Variants in PALLD observed in about 807,000 individuals in gnomAD.
PALLD encodes the protein palladin, cytoskeletal associated protein.
Under a neutral mutation model 123.5 loss-of-function variants are expected in PALLD, and 61 were observed. The ratio of observed to expected loss-of-function variants is 0.49; its 90% CI spans 0.40 to 0.61. The LOEUF (loss-of-function observed/expected upper bound fraction) is 0.61, where lower values mean the gene tolerates loss of function less well. Among genes scored for constraint, PALLD ranks in the 20% least tolerant of loss-of-function variants. The pLI, the probability that PALLD is intolerant of heterozygous loss-of-function variation, is 0.00. For missense variants in PALLD, 1,273 were observed against 1,377.0 expected, an observed-to-expected ratio of 0.92 and a Z score of 1.20; for synonymous variants, 465 against 496.4, an observed-to-expected ratio of 0.94 and a Z score of 0.84.
At chr4:168,547,688 G>A (rs1445376152) in intron 2 of PALLD, among the ~76,000 whole-genome samples, 1 of 151,684 alleles carries the variant, frequency 6.6e-6, no homozygotes, top group Non-Finnish European at 1.5e-5. Context: ...AGTGGCTCAT[G>A]CCTGCAATCC....
chr4:168,882,945 C>G (rs890290908), intron 10 of PALLD, among the ~76,000 whole-genome samples: 1 of 151,998 alleles, frequency 6.6e-6, no homozygotes, highest in Non-Finnish European at 1.5e-5. Flanking sequence ...AAAAAATTAG[C>G]CGGGCATGGT....
intron 15 of PALLD, among the ~76,000 whole-genome samples, chr4:168,906,676 G>A (rs1757869576): frequency 6.6e-6 from 1 of 152,180 alleles, no homozygotes; most frequent in South Asian, 2.1e-4. Flanking sequence ...CCAGGCTGGA[G>A]TACAGTGGCA....
At chr4:168,787,755 TA>T (rs1399491545) in intron 10 of PALLD, among the ~76,000 whole-genome samples, 2 of 152,372 alleles carry the variant, frequency 1.3e-5, no homozygotes, top group East Asian at 3.9e-4. Context: ...GATAGTCAAC[TA>T]CTTTCTTTTA....
intron 10 of PALLD, among the ~76,000 whole-genome samples, chr4:168,890,703 T>G (rs1187939886): frequency 6.6e-6 from 1 of 152,162 alleles, no homozygotes; most frequent in African/African-American, 2.4e-5. Context: ...TAAGGCATAC[T>G]CCCCTAATGT....
At chr4:168,707,771 T>TA (rs1431078655) in intron 8 of PALLD, among the ~76,000 whole-genome samples, 1 of 152,218 alleles carries the variant, frequency 6.6e-6, no homozygotes, top group Non-Finnish European at 1.5e-5. Flanking sequence ...TACACGGTCT[T>TA]ATGCTACCCC....
At position 168,681,540 on chromosome 4, in the gene PALLD, A is replaced by ATTTTTTTTTTTTTTTT. The variant is rs34328020; in HGVS notation, c.1154+150_1154+165dup. ...GATCAAATACTGAGGTTGGAACACA[A>ATTTTTTTTTTTTTTTT]TTTTTTTTTTTTTTTTTTTTTTTGA... is the stretch of plus-strand genomic sequence containing the variant. On this transcript the variant is annotated intron_variant, in intron 4 of 21. Coordinates refer to ENST00000505667, the MANE Select transcript of PALLD (RefSeq NM_001166108.2). 5.7e-3 allele frequency: 1,938 copies of ATTTTTTTTTTTTTTTT among 339,994 alleles called. 64 individuals are homozygous for ATTTTTTTTTTTTTTTT. Among genetic ancestry groups the ATTTTTTTTTTTTTTTT allele is most frequent in the African/African-American group, 0.012 (376 of 31,650 alleles). 21.1% of individuals were successfully genotyped at this position (339,994 alleles called of 1,614,324 possible). A position where few individuals can be genotyped will look rare whatever the true frequency, so the allele number is the denominator to read the frequency against.
At chr4:168,791,491 G>A (rs1737515566) in intron 10 of PALLD, among the ~76,000 whole-genome samples, 1 of 152,158 alleles carries the variant, frequency 6.6e-6, no homozygotes, top group East Asian at 1.9e-4. Flanking sequence ...CAGCAGGAGG[G>A]AGAAAAAAGC....
intron 10 of PALLD, among the ~76,000 whole-genome samples, chr4:168,873,812 C>T (rs561161044): frequency 3.9e-5 from 6 of 152,280 alleles, no homozygotes; most frequent in African/African-American, 1.4e-4. Context: ...CCATCCCTGC[C>T]TCCTAGGGTT....
At chr4:168,921,068 AAAGCAAAAGTTTT>A (rs1379516816) in intron 17 of PALLD, among the ~76,000 whole-genome samples, 1 of 152,088 alleles carries the variant, frequency 6.6e-6, no homozygotes, top group Non-Finnish European at 1.5e-5. Flanking sequence ...GCCAAAGTTT[AAAGCAAAAGTTTT>A]AAGCAAAAGA....
At chr4:168,682,814 A>G (rs1781676399) in intron 4 of PALLD, among the ~76,000 whole-genome samples, 184 bp from the exon 5 acceptor site, 1 of 152,132 alleles carries the variant, frequency 6.6e-6, no homozygotes, top group Non-Finnish European at 1.5e-5. Context: ...GACCACAGCT[A>G]TTCTAGCTGT....
chr4:168,520,345 A>AGAGAGAG (rs1554034674), intron 2 of PALLD, among the ~76,000 whole-genome samples: 22 of 41,788 alleles, frequency 5.3e-4, no homozygotes, highest in African/African-American at 1.8e-3. Flanking sequence ...AAAAAAAAAA[A>AGAGAGAG]AAAGAGAGAG....
chr4:168,551,097 A>G (rs568300872), intron 2 of PALLD, among the ~76,000 whole-genome samples: 73 of 152,346 alleles, frequency 4.8e-4, no homozygotes, highest in African/African-American at 1.7e-3. Context: ...AAGACTTATT[A>G]CAAATCACAG....
At chr4:168,777,471 GA>G in intron 10 of PALLD, among the ~76,000 whole-genome samples, 1 of 152,028 alleles carries the variant, frequency 6.6e-6, no homozygotes, top group African/African-American at 2.4e-5. Context: ...TGCATGATAA[GA>G]GAAAATGGAA....
intron 1 of PALLD, chr4:168,507,562 G>A (rs1430912625): frequency 1.5e-5 from 3 of 200,216 alleles, no homozygotes; most frequent in Non-Finnish European, 3.1e-5. Context: ...AACACCAAAC[G>A]TGAAACCATG....
intron 1 of PALLD, among the ~76,000 whole-genome samples, chr4:168,498,159 T>C (rs1024089181): frequency 7.2e-5 from 11 of 152,202 alleles, no homozygotes; most frequent in African/African-American, 2.7e-4. Flanking sequence ...TCAAAGTCTC[T>C]TTGACAAGTT....
intron 8 of PALLD, among the ~76,000 whole-genome samples, chr4:168,701,621 A>G (rs906053825): frequency 6.6e-6 from 1 of 152,196 alleles, no homozygotes; most frequent in African/African-American, 2.4e-5. Context: ...CTGTTTTTAA[A>G]TGTAGGTTTC....
chr4:168,564,998 C>T (rs910766420), intron 2 of PALLD, among the ~76,000 whole-genome samples: 1 of 138,326 alleles, frequency 7.2e-6, no homozygotes, highest in Non-Finnish European at 1.5e-5. Context: ...CCAGCCTGAG[C>T]AACATGGTGA....
intron 2 of PALLD, among the ~76,000 whole-genome samples, chr4:168,583,081 T>C (rs1408746992): frequency 6.6e-6 from 1 of 152,208 alleles, no homozygotes; most frequent in African/African-American, 2.4e-5. Context: ...CTCTCTTCTA[T>C]ATATTTCAGC....
chr4:168,661,867 CTA>C (rs1779168025), intron 2 of PALLD, among the ~76,000 whole-genome samples: 1 of 152,008 alleles, frequency 6.6e-6, no homozygotes. Context: ...GTTGCTGTAT[CTA>C]AAAATATAAT....
Sources: allele counts gnomAD v4.1 joint callset (sites outside exome capture counted in the v4.1 genomes callset), GRCh38; gene constraint gnomAD v4.1.1; transcripts MANE v1.5; gene names NCBI Gene and HGNC (gene_info 2026-07-23, HGNC 2026-07-21).